RGSL1: variants seen among roughly 807,000 people sequenced by gnomAD.
The protein encoded by RGSL1 is regulator of G protein signaling protein-like.
Under a neutral mutation model 124.7 loss-of-function variants are expected in RGSL1, and 97 were observed. That is an observed-to-expected ratio of 0.78 (90% CI 0.66 to 0.92). The LOEUF is 0.92. Among genes scored for constraint, RGSL1 ranks in the 40% least tolerant of loss-of-function variants. The probability of loss-of-function intolerance (pLI) is 0.00; values close to 1 mark genes in which losing one functional copy is unlikely to be tolerated. For synonymous variants in RGSL1, 424 were observed against 438.1 expected, an observed-to-expected ratio of 0.97 and a Z score of 0.40; for missense variants, 1,233 against 1,288.4, an observed-to-expected ratio of 0.96 and a Z score of 0.66.
At chr1:182,464,805 G>C (rs1350653969) in intron 4 of RGSL1, among the ~76,000 whole-genome samples, 1 of 151,776 alleles carries the variant, frequency 6.6e-6, no homozygotes. Flanking sequence ...TTCAAAATGA[G>C]TCTTGACATG....
intron 8 of RGSL1, 89 bp downstream of exon 8, chr1:182,489,291 C>T (rs1172596407): frequency 6.1e-6 from 7 of 1,146,832 alleles, no homozygotes; most frequent in South Asian, 3.0e-5. Context: ...TACTAAGCGT[C>T]AGCACTATGC....
At chr1:182,555,790 A>G (rs1660831320) in intron 20 of RGSL1, 1 of 529,476 alleles carries the variant, frequency 1.9e-6, no homozygotes, top group South Asian at 2.4e-5. Flanking sequence ...CCAGAAGACA[A>G]ACCAGATACT....
chr1:182,559,462 C>T (rs1052920469), intron 21 of RGSL1, among the ~76,000 whole-genome samples: 6 of 152,182 alleles, frequency 3.9e-5, no homozygotes, highest in Non-Finnish European at 8.8e-5. Context: ...CTCTCTATCC[C>T]ACTGGCACTG....
chr1:182,463,528 G>T (rs932767513), intron 4 of RGSL1, among the ~76,000 whole-genome samples: 5 of 152,018 alleles, frequency 3.3e-5, no homozygotes, highest in African/African-American at 1.2e-4. Context: ...AGACAAAATA[G>T]ACTTTATTTA....
chr1:182,552,912 T>A (rs1660654728), intron 18 of RGSL1, among the ~76,000 whole-genome samples: 1 of 152,278 alleles, frequency 6.6e-6, no homozygotes, highest in East Asian at 1.9e-4. Context: ...CTTTCCTTTT[T>A]TTCAAGATGG....
Position 182,554,655 on chromosome 1 carries a change from A to C in RGSL1, c.3159A>C (p.Arg1053Ser), listed in dbSNP as rs750765325. ...CATCAAGCAAACTTACTCAGCCAAG[A>C]CTCGTGGTATCTGCCATGCAGCTGC... ...NSSSSKLTQPRLVVSAMQLHP... is the reference protein window; with the variant it reads ...NSSSSKLTQPSLVVSAMQLHP... The change falls in exon 20 of 22, where the codon AGA becomes AGC. Residue 1053 changes from arginine (R) to serine (S), a missense_variant. Arg to Ser is a moderately radical substitution (Grantham distance 110). Coordinates refer to ENST00000294854, the MANE Select transcript of RGSL1 (RefSeq NM_001137669.2). The C allele has an allele frequency of 6.4e-7, 1 of 1,551,450 alleles. No homozygotes were observed. The highest frequency in any genetic ancestry group is 1.2e-5 in the South Asian group (1 of 84,034).
chr1:182,522,781 A>G (rs1658443263), intron 10 of RGSL1, among the ~76,000 whole-genome samples: 1 of 152,164 alleles, frequency 6.6e-6, no homozygotes, highest in South Asian at 2.1e-4. Flanking sequence ...ACTACTTTTT[A>G]CCGGTCTTTA....
intron 14 of RGSL1, 119 bp downstream of exon 14, chr1:182,532,910 A>C (rs927925493): frequency 9.7e-6 from 11 of 1,138,626 alleles, no homozygotes; most frequent in African/African-American, 3.1e-5. Flanking sequence ...CTAGCAAAAA[A>C]ACCCAGGTCC....
chr1:182,549,343 A>G (rs1448944282), intron 17 of RGSL1: 1 of 152,648 alleles, frequency 6.6e-6, no homozygotes, highest in Non-Finnish European at 1.5e-5. Context: ...TCCCAAGGTT[A>G]AAGTGGCAAA....
chr1:182,491,214 A>AATT (rs1000456035), intron 8 of RGSL1, among the ~76,000 whole-genome samples: 16 of 151,298 alleles, frequency 1.1e-4, no homozygotes, highest in South Asian at 2.1e-4. Flanking sequence ...AAAAAACTGT[A>AATT]ATTATTATTA....
chr1:182,522,253 T>C, intron 10 of RGSL1, 144 bp downstream of exon 10: 1 of 646,826 alleles, frequency 1.5e-6, no homozygotes. Flanking sequence ...CAGACACTCT[T>C]AGTATTTTAA....
At chr1:182,535,541 A>G (rs1412522665) in intron 14 of RGSL1, among the ~76,000 whole-genome samples, 1 of 152,186 alleles carries the variant, frequency 6.6e-6, no homozygotes. Context: ...ACTCAAGGGC[A>G]TTCATCCATT....
At chr1:182,541,751 C>T (rs1659903594) in intron 15 of RGSL1, among the ~76,000 whole-genome samples, 1 of 152,068 alleles carries the variant, frequency 6.6e-6, no homozygotes, top group Admixed American at 6.6e-5. Flanking sequence ...TATTCCCTGT[C>T]TTTTTGATAA....
intron 6 of RGSL1, among the ~76,000 whole-genome samples, chr1:182,482,115 A>G (rs548999263): frequency 6.6e-6 from 1 of 152,330 alleles, no homozygotes; most frequent in East Asian, 1.9e-4. Context: ...CAACTCATTA[A>G]CAGAATTAGA....
chr1:182,472,311 G>A (rs569654), intron 4 of RGSL1, 85 bp from the exon 5 acceptor site: 86,718 of 1,247,212 alleles, frequency 0.07, 4,359 homozygotes, highest in East Asian at 0.25. Flanking sequence ...AGGCTGGTGG[G>A]GGATGTCAGT....
At chr1:182,533,570 C>A (rs762502902) in intron 14 of RGSL1, among the ~76,000 whole-genome samples, 37 of 152,178 alleles carry the variant, frequency 2.4e-4, no homozygotes, top group Non-Finnish European at 3.8e-4. Flanking sequence ...AAAATACAAG[C>A]CACAGATGTT....
chr1:182,473,815 G>A lies in RGSL1; in HGVS notation c.704G>A (p.Ser235Asn), dbSNP rs998528158. The stretch of plus-strand genomic sequence containing the variant: ...ATAGGAGGGCTCCCTCTGAACATGA[G>A]CATCAAGAAGTGCCACCACTTTCAG... ...THIGGLPLNM[S>N]IKKCHHFQKR... The change falls in exon 6 of 22, where the codon AGC becomes AAC. Residue 235 changes from serine to asparagine, a missense_variant. Ser to Asn is a conservative substitution (Grantham distance 46). Coordinates refer to ENST00000294854, the MANE Select transcript of RGSL1 (RefSeq NM_001137669.2). The A allele has an allele frequency of 6.4e-7, 1 of 1,551,690 alleles. No homozygotes were observed. Among genetic ancestry groups the A allele is most frequent in the African/African-American group, 1.4e-5 (1 of 73,148 alleles).
At chr1:182,550,998 C>T (rs911558360) in intron 17 of RGSL1, 102 bp from the exon 18 acceptor site, 4 of 741,892 alleles carry the variant, frequency 5.4e-6, no homozygotes, top group Non-Finnish European at 7.0e-6. Flanking sequence ...TGGACACCCA[C>T]ATTCTCTGAG....
At chr1:182,500,046 T>G (rs946141030) in intron 9 of RGSL1, among the ~76,000 whole-genome samples, 2 of 152,232 alleles carry the variant, frequency 1.3e-5, no homozygotes, top group Non-Finnish European at 2.9e-5. Flanking sequence ...TTCTTTCATT[T>G]TTTGCTCGTG....
Sources: gnomAD v4.1 joint callset for allele counts (sites outside exome capture counted in the v4.1 genomes callset) on GRCh38, gnomAD v4.1.1 for gene constraint, MANE v1.5 for transcripts, NCBI Gene and HGNC (gene_info 2026-07-23, HGNC 2026-07-21) for gene names.